Variants in UTRN observed in about 807,000 individuals in gnomAD.
UTRN encodes the protein dystrophin-related protein 1.
Under a neutral mutation model 463.9 loss-of-function variants are expected in UTRN, and 283 were observed. The observed-to-expected ratio is 0.61, with a 90% CI of 0.55 to 0.67. UTRN has a LOEUF of 0.67. UTRN is among the 30% of genes least tolerant of loss of function. The pLI is 0.00. For synonymous variants in UTRN, 1,442 were observed against 1,431.5 expected (o/e 1.01, Z -0.17); for missense variants, 3,922 against 4,084.3 (o/e 0.96, Z 1.08).
intron 19 of UTRN, among the ~76,000 whole-genome samples, chr6:144,457,325 A>T (rs1350295468): frequency 2.0e-5 from 3 of 152,174 alleles, no homozygotes; most frequent in African/African-American, 7.2e-5. Context: ...TCTTGAAGTG[A>T]GCACCTCTTT....
chr6:144,647,340 T>G (rs1398095316), intron 51 of UTRN, among the ~76,000 whole-genome samples: 2 of 152,294 alleles, frequency 1.3e-5, no homozygotes, highest in East Asian at 3.9e-4. Context: ...TGTGTCAATC[T>G]GAAAAGAAAC....
chr6:144,478,156 T>G (rs1584947442), intron 25 of UTRN, among the ~76,000 whole-genome samples: 1 of 152,016 alleles, frequency 6.6e-6, no homozygotes, highest in East Asian at 1.9e-4. Context: ...ATAAAACAAA[T>G]CAACAAACAA....
intron 2 of UTRN, among the ~76,000 whole-genome samples, chr6:144,386,504 T>C (rs879507330): frequency 4.6e-5 from 7 of 152,184 alleles, no homozygotes; most frequent in Non-Finnish European, 8.8e-5. Context: ...AACCTTTTCA[T>C]AGTTATGAAA....
At chr6:144,713,920 C>CAAAA (rs535219098) in intron 53 of UTRN, among the ~76,000 whole-genome samples, 3 of 101,176 alleles carry the variant, frequency 3.0e-5, no homozygotes, top group African/African-American at 1.1e-4. Context: ...AACTCTGTCT[C>CAAAA]AAAAAAAAAA....
chr6:144,558,626 T>TATA (rs567860264), intron 50 of UTRN, among the ~76,000 whole-genome samples: 198 of 151,952 alleles, frequency 1.3e-3, no homozygotes, highest in African/African-American at 4.6e-3. Context: ...AAACTTAAAG[T>TATA]ATAATAATAA....
chr6:144,728,794 T>G (rs1451021999), intron 53 of UTRN, among the ~76,000 whole-genome samples: 1 of 152,230 alleles, frequency 6.6e-6, no homozygotes, highest in Non-Finnish European at 1.5e-5. Flanking sequence ...CTCGTTCATT[T>G]AAATTTTTTA....
At chr6:144,762,616 A>G (rs1362234216) in intron 58 of UTRN, among the ~76,000 whole-genome samples, 1 of 152,176 alleles carries the variant, frequency 6.6e-6, no homozygotes, top group Non-Finnish European at 1.5e-5. Flanking sequence ...GTGCTTTTTC[A>G]TAGATAGGAA....
At chr6:144,600,621 T>G (rs1804147163) in intron 51 of UTRN, among the ~76,000 whole-genome samples, 1 of 152,220 alleles carries the variant, frequency 6.6e-6, no homozygotes, top group Non-Finnish European at 1.5e-5. Context: ...GGTTGGTTCA[T>G]GAAGTTTAAG....
intron 2 of UTRN, among the ~76,000 whole-genome samples, chr6:144,361,552 A>T (rs1172281688): frequency 6.6e-6 from 1 of 152,072 alleles, no homozygotes; most frequent in Non-Finnish European, 1.5e-5. Flanking sequence ...GGGGCTGATA[A>T]GGAAATAAGT....
At chr6:144,780,774 G>A (rs962868922) in intron 60 of UTRN, among the ~76,000 whole-genome samples, 5 of 152,152 alleles carry the variant, frequency 3.3e-5, no homozygotes, top group Admixed American at 1.3e-4. Context: ...AACACCACTC[G>A]TGTGTAAGTC....
rs772641518 is a variant in UTRN, at chr6:144,423,653, G to C, written c.312+27G>C. 25 of 1,611,146 alleles carry C rather than the reference G, an allele frequency of 1.6e-5. No individual in the cohort carries two copies. The South Asian group carries it at 2.5e-4, about 16-fold the overall frequency. ...TAAGTGTGTAATGTGAGTTCTGGGG[G>C]TCTGTGCTGCCATCAGCATTATTTA... is the stretch of plus-strand genomic sequence containing the variant. On this transcript the variant is annotated intron_variant, in intron 5 of 74. Coordinates refer to ENST00000367545, the MANE Select transcript of UTRN (RefSeq NM_007124.3).
At chr6:144,475,298 G>A (rs983138192) in intron 25 of UTRN, among the ~76,000 whole-genome samples, 9 of 152,244 alleles carry the variant, frequency 5.9e-5, no homozygotes, top group African/African-American at 2.2e-4. Context: ...TAAAGTAAGA[G>A]ATGAGCCTTG....
At chr6:144,754,945 G>T (rs532443493) in intron 57 of UTRN, 147 bp downstream of exon 57, 13 of 709,522 alleles carry the variant, frequency 1.8e-5, no homozygotes, top group Non-Finnish European at 2.5e-5. Context: ...AGAAAATATT[G>T]CTTAATGGTT....
At chr6:144,713,018 C>A (rs1785911391) in intron 53 of UTRN, among the ~76,000 whole-genome samples, 1 of 152,252 alleles carries the variant, frequency 6.6e-6, no homozygotes, top group Non-Finnish European at 1.5e-5. Flanking sequence ...TCCAGTGCCA[C>A]ATTAGAATAG....
chr6:144,292,697 C>T (rs1562711018), intron 2 of UTRN, among the ~76,000 whole-genome samples: 2 of 152,170 alleles, frequency 1.3e-5, no homozygotes, highest in African/African-American at 4.8e-5. Context: ...TTGAAAATTA[C>T]ACAGAACTCC....
intron 53 of UTRN, among the ~76,000 whole-genome samples, chr6:144,702,635 A>G (rs1784708086): frequency 6.6e-6 from 1 of 152,238 alleles, no homozygotes; most frequent in South Asian, 2.1e-4. Context: ...GGAGAAGGTC[A>G]GGAAAGTATC....
rs1454005504 is a variant in UTRN at position 144,826,819 on chromosome 6, A to C, written c.9495-529A>C. ...TGCATGTTTGTTCAATGTGTGTGTG[A>C]GGTTGAGGTATTTTGGGTACATCTG... is the stretch of plus-strand genomic sequence containing the variant. On this transcript the variant is annotated intron_variant, in intron 66 of 74. Coordinates refer to ENST00000367545, the MANE Select transcript of UTRN (RefSeq NM_007124.3). 2.0e-5 allele frequency among the ~76,000 whole-genome samples: 3 copies of C among 152,214 alleles called. No homozygotes were observed. The East Asian group carries it at 5.8e-4, about 29-fold the overall frequency.
chr6:144,513,905 G>T lies in UTRN; in HGVS notation c.4945-4G>T. 1 of 1,612,386 alleles carries T rather than the reference G, an allele frequency of 6.2e-7. No homozygotes were observed. The highest frequency in any genetic ancestry group is 8.5e-7 in the Non-Finnish European group (1 of 1,179,400). On this transcript the variant is annotated splice_region_variant and splice_polypyrimidine_tract_variant and intron_variant, in intron 35 of 74. Coordinates refer to ENST00000367545, the MANE Select transcript of UTRN (RefSeq NM_007124.3). ...ATGTAAGCATTTTATTAATTCCTTT[G>T]TAGAACCATCAGAACCAGCTAGAAA...
In UTRN at chr6:144,482,411, GTTATTATTATTATTATTA is replaced by G. The variant is rs113874319; in HGVS notation, c.3687+38_3687+55del. 29 of 1,002,620 alleles carry G rather than the reference GTTATTATTATTATTATTA, an allele frequency of 2.9e-5. No homozygotes were observed. In the East Asian group the frequency reaches 7.1e-4, roughly 25 times the overall value. 62.1% of individuals were successfully genotyped at this position (1,002,620 alleles called of 1,614,324 possible). ...GAGGTATGCTATTATTATTATTGTT[GTTATTATTATTATTATTA>G]TTATTATTATTATTTTCAGTGATGT... On this transcript the variant is annotated intron_variant, in intron 27 of 74. Coordinates refer to ENST00000367545, the MANE Select transcript of UTRN (RefSeq NM_007124.3).
Sources: gnomAD v4.1 joint callset for allele counts (sites outside exome capture counted in the v4.1 genomes callset) on GRCh38, gnomAD v4.1.1 for gene constraint, MANE v1.5 for transcripts, NCBI Gene and HGNC (gene_info 2026-07-23, HGNC 2026-07-21) for gene names.